The following RCSD1 variants were observed in gnomAD, a reference collection of about 807,000 sequenced individuals.
The protein encoded by RCSD1 is RCSD domain containing 1.
A neutral mutation model predicts 42.5 loss-of-function variants in RCSD1; 26 were observed. The observed-to-expected ratio is 0.61, with a 90% CI of 0.45 to 0.85. The LOEUF is 0.85. RCSD1 is among the 40% of genes least tolerant of loss of function. The pLI is 0.00. For missense variants in RCSD1, 571 were observed against 528.3 expected (o/e 1.08, Z -0.79); for synonymous variants, 220 against 212.2 (o/e 1.04, Z -0.32).
At chr1:167,655,844 A>G (rs765629772) in intron 1 of RCSD1, among the ~76,000 whole-genome samples, 1 of 152,232 alleles carries the variant, frequency 6.6e-6, no homozygotes, top group Non-Finnish European at 1.5e-5. Flanking sequence ...TGCCTTCGCT[A>G]TTGAAAAGGC....
chr1:167,646,214 C>A (rs1399573758), intron 1 of RCSD1, among the ~76,000 whole-genome samples: 1 of 152,028 alleles, frequency 6.6e-6, no homozygotes, highest in Non-Finnish European at 1.5e-5. Context: ...TGACAGGACA[C>A]CCTGTTGGAA....
At chr1:167,632,637 G>A (rs1190779401) in intron 1 of RCSD1, among the ~76,000 whole-genome samples, 2 of 141,610 alleles carry the variant, frequency 1.4e-5, no homozygotes, top group Non-Finnish European at 3.1e-5. Context: ...GAGGGACGCA[G>A]GGAGGGAATA....
intron 1 of RCSD1, among the ~76,000 whole-genome samples, chr1:167,671,004 T>C (rs1435238946): frequency 6.6e-6 from 1 of 152,214 alleles, no homozygotes; most frequent in East Asian, 1.9e-4. Flanking sequence ...CTCTACTTAT[T>C]TTCAGATGGA....
At chr1:167,661,251 T>G (rs1003057148) in intron 1 of RCSD1, among the ~76,000 whole-genome samples, 4 of 152,230 alleles carry the variant, frequency 2.6e-5, no homozygotes, top group Non-Finnish European at 4.4e-5. Flanking sequence ...CGAGAAAAGA[T>G]AGGTAGCTTG....
At chr1:167,680,137 G>T (rs1280923250) in intron 1 of RCSD1, among the ~76,000 whole-genome samples, 1 of 152,094 alleles carries the variant, frequency 6.6e-6, no homozygotes, top group Non-Finnish European at 1.5e-5. Flanking sequence ...CAGGAAGATG[G>T]AGTACAGGCC....
chr1:167,697,134 C>T lies in RCSD1; in HGVS notation c.510C>T (p.Pro170=). ...RTRGSIKRRP[P]SRRFRRSQSD... ...GGGGCTCAATAAAAAGGCGCCCTCC[C>T]TCCAGGCGATTCCGAAGGTCACAGT... The change falls in exon 6 of 7, where the codon CCC becomes CCT. Residue 170 remains proline, a synonymous_variant. Transcript: ENST00000367854. 6.2e-7 allele frequency: 1 copy of T among 1,614,094 alleles called. No individual in the cohort carries two copies. The highest frequency in any genetic ancestry group is 8.5e-7 in the Non-Finnish European group (1 of 1,179,990).
intron 1 of RCSD1, among the ~76,000 whole-genome samples, 186 bp from the exon 2 acceptor site, chr1:167,683,714 A>G (rs958622829): frequency 2.0e-5 from 3 of 152,198 alleles, no homozygotes; most frequent in Non-Finnish European, 4.4e-5. Context: ...GGCCAAGAGC[A>G]TTGTAGATAT....
chr1:167,673,763 C>T (rs1658868401), intron 1 of RCSD1, among the ~76,000 whole-genome samples: 2 of 152,114 alleles, frequency 1.3e-5, no homozygotes, highest in Non-Finnish European at 2.9e-5. Flanking sequence ...GACATCATGC[C>T]CTTCCATGCT....
rs894678945 is a variant in RCSD1, at chr1:167,697,564, G to T, written c.940G>T (p.Ala314Ser). ...PAGEEAEMEK[A>S]TEVKGERVQN... ...TGGAGAGGAAGCAGAGATGGAAAAGGCTACAGAGGTGAAGGGGGAGAGGGT... is the reference window on the plus strand; with the variant it reads ...TGGAGAGGAAGCAGAGATGGAAAAGTCTACAGAGGTGAAGGGGGAGAGGGT... Residue 314 changes from alanine (A) to serine (S), a missense_variant, in exon 6 of 7, where the codon GCT becomes TCT. Ala to Ser is a moderately conservative substitution (Grantham distance 99). Coordinates refer to ENST00000367854, the MANE Select transcript of RCSD1 (RefSeq NM_052862.4). 1 of 1,607,378 alleles carries T rather than the reference G, an allele frequency of 6.2e-7. No homozygotes were observed. Among genetic ancestry groups the T allele is most frequent in the Non-Finnish European group, 8.5e-7 (1 of 1,177,020 alleles).
chr1:167,634,315 G>A (rs1246662649), intron 1 of RCSD1, among the ~76,000 whole-genome samples: 1 of 152,122 alleles, frequency 6.6e-6, no homozygotes, highest in Non-Finnish European at 1.5e-5. Flanking sequence ...TATATTTAGA[G>A]CCTAATGGGC....
chr1:167,647,130 C>CAAAAAAAAAAAAAA (rs5778560), intron 1 of RCSD1, among the ~76,000 whole-genome samples: 12 of 112,498 alleles, frequency 1.1e-4, no homozygotes, highest in African/African-American at 1.9e-4. Context: ...AACTCCATCT[C>CAAAAAAAAAAAAAA]AAAAAAAAAG....
At position 167,694,222 on chromosome 1, in the gene RCSD1, T is replaced by C. The variant is rs1184374238; in HGVS notation, c.394T>C (p.Ser132Pro). Residue 132 changes from serine (S) to proline (P), a missense_variant, in exon 5 of 7, where the codon TCT (serine) becomes CCT (proline). Transcript: ENST00000367854. ...PSTPSSPGVR[S>P]RPSEAEEVPV... ...TACCCCCAGCAGCCCTGGTGTGCGA[T>C]CTAGGCCCAGCGAGGCAGAGGAGGT... The C allele has an allele frequency of 3.7e-6, 6 of 1,614,204 alleles. No individual in the cohort carries two copies. The East Asian group carries it at 1.3e-4, about 36-fold the overall frequency.
chr1:167,671,077 T>C (rs929292841), intron 1 of RCSD1, among the ~76,000 whole-genome samples: 20 of 152,172 alleles, frequency 1.3e-4, no homozygotes, highest in African/African-American at 4.6e-4. Context: ...CTATTCTCCG[T>C]TTTCTTATAA....
intron 1 of RCSD1, among the ~76,000 whole-genome samples, chr1:167,666,718 G>A (rs897830257): frequency 6.6e-6 from 1 of 152,230 alleles, no homozygotes; most frequent in African/African-American, 2.4e-5. Context: ...AACCTCTGCA[G>A]GCTGAACACC....
At chr1:167,656,513 A>G (rs1297483378) in intron 1 of RCSD1, among the ~76,000 whole-genome samples, 2 of 152,256 alleles carry the variant, frequency 1.3e-5, no homozygotes, top group African/African-American at 4.8e-5. Context: ...AATAGATTGC[A>G]TTTTATCTGA....
At chr1:167,675,013 T>G (rs558126191) in intron 1 of RCSD1, among the ~76,000 whole-genome samples, 7 of 151,996 alleles carry the variant, frequency 4.6e-5, no homozygotes, top group Admixed American at 2.6e-4. Context: ...AAGACCATCC[T>G]GGCTAACACA....
intron 1 of RCSD1, among the ~76,000 whole-genome samples, chr1:167,649,538 G>C (rs75681843): frequency 6.6e-6 from 1 of 152,194 alleles, no homozygotes; most frequent in African/African-American, 2.4e-5. Flanking sequence ...GTGATGGGGG[G>C]GCAGAAAGTT....
At chr1:167,694,037 T>C (rs1015001406) in intron 4 of RCSD1, 62 bp from the exon 5 acceptor site, 11 of 1,551,250 alleles carry the variant, frequency 7.1e-6, no homozygotes, top group Non-Finnish European at 9.8e-6. Context: ...ACCAACAAGC[T>C]AAAGTAGAGG....
chr1:167,707,655 T>G lies in RCSD1; in HGVS notation c.*2959T>G, dbSNP rs1469109419. 1.4e-5 allele frequency among the ~76,000 whole-genome samples: 2 copies of G among 140,234 alleles called. No homozygotes were observed. The highest frequency in any genetic ancestry group is 3.1e-5 in the Non-Finnish European group (2 of 64,408). 92.0% of individuals were successfully genotyped at this position (140,234 alleles called of 152,430 possible). ...GTTGCAGCCAAGGCTGTCTCTTTTT[T>G]CTCTTCTTTTCTCTTCTTTTTTTTT... On this transcript the variant is annotated 3_prime_UTR_variant, in exon 7 of 7. Transcript: ENST00000367854.
Sources: allele counts gnomAD v4.1 joint callset (sites outside exome capture counted in the v4.1 genomes callset), GRCh38; gene constraint gnomAD v4.1.1; transcripts MANE v1.5; gene names NCBI Gene and HGNC (gene_info 2026-07-23, HGNC 2026-07-21).